RASD1: variants seen among roughly 807,000 people sequenced by gnomAD.
RASD1 encodes dexamethasone-induced Ras-related protein 1.
A neutral mutation model predicts 16.7 loss-of-function variants in RASD1; 13 were observed. That is an observed-to-expected ratio of 0.78 (90% confidence interval 0.51 to 1.24). The LOEUF (loss-of-function observed/expected upper bound fraction) is 1.24, where lower values mean the gene tolerates loss of function less well. Ranked by LOEUF, RASD1 falls within the 50% of genes most tolerant of loss-of-function variation. The probability of loss-of-function intolerance (pLI) is 0.00; values close to 1 mark genes in which losing one functional copy is unlikely to be tolerated. For missense variants in RASD1, 397 were observed against 407.5 expected (o/e 0.97, Z 0.22); for synonymous variants, 170 against 172.6 (o/e 0.98, Z 0.12).
chr17:17,495,739 A>G, intron 1 of RASD1, 55 bp from the exon 2 acceptor site: 4 of 1,516,070 alleles, frequency 2.6e-6, no homozygotes, highest in East Asian at 4.7e-5. Context: ...CGCCCAGGGG[A>G]CAAGTCGGGC....
At position 17,495,221 on chromosome 17, in the gene RASD1, C is replaced by T. The variant is rs1050063525; in HGVS notation, c.750G>A (p.Ala250=). The change falls in exon 2 of 2, where the codon GCG becomes GCA. Residue 250 remains alanine (A), a synonymous_variant. Coordinates refer to ENST00000225688, the MANE Select transcript of RASD1 (RefSeq NM_016084.5). ...GDAFGIVAPF[A]RRPSVHSDLM... is the part of the protein sequence containing the mutation. ...GGTCGCTGTGTACGCTGGGCCGGCG[C>T]GCGAAGGGTGCCACGATGCCAAAGG... 1 of 1,609,808 alleles carries T rather than the reference C, an allele frequency of 6.2e-7. No individual in the cohort carries two copies. The highest frequency in any genetic ancestry group is 8.5e-7 in the Non-Finnish European group (1 of 1,179,060).
rs1033160626 is a variant in RASD1 at position 17,496,377 on chromosome 17, G to A, written c.-196C>T. The A allele has an allele frequency of 1.3e-4, 71 of 558,412 alleles. 1 individual carries two copies. The Admixed American group carries it at 2.4e-3, about 19-fold the overall frequency. The allele number at this position is 558,412 out of a possible 1,614,324, so 34.6% of individuals were successfully genotyped here. A position where few individuals can be genotyped will look rare whatever the true frequency, so the allele number is the denominator to read the frequency against. ...TCGGCTGGGGTTCTCCCAGGATCTGGGCACAGGCCGCTTGCTCTGGCTTTG... is the reference window on the plus strand; with the variant it reads ...TCGGCTGGGGTTCTCCCAGGATCTGAGCACAGGCCGCTTGCTCTGGCTTTG... On this transcript the variant is annotated 5_prime_UTR_variant, in exon 1 of 2. Coordinates refer to ENST00000225688, the MANE Select transcript of RASD1 (RefSeq NM_016084.5).
At position 17,496,394 on chromosome 17, in the gene RASD1, C is replaced by T. The variant is rs1905447735; in HGVS notation, c.-213G>A. 5 of 499,236 alleles carry T rather than the reference C, an allele frequency of 1.0e-5. No individual in the cohort carries two copies. The South Asian group carries it at 1.8e-4, about 18-fold the overall frequency. The allele number at this position is 499,236 out of a possible 1,614,324, so 30.9% of individuals were successfully genotyped here. A position where few individuals can be genotyped will look rare whatever the true frequency, so the allele number is the denominator to read the frequency against. The stretch of plus-strand genomic sequence containing the variant: ...AGGATCTGGGCACAGGCCGCTTGCT[C>T]TGGCTTTGGCGCCCGGCCGCCGCCC... On this transcript the variant is annotated 5_prime_UTR_variant, in exon 1 of 2. Transcript: ENST00000225688.
rs1905396018 is a variant in RASD1, at chr17:17,495,486, T to A, written c.485A>T (p.Gln162Leu). The A allele has an allele frequency of 6.2e-7, 1 of 1,610,802 alleles. No homozygotes were observed. Among genetic ancestry groups the A allele is most frequent in the African/African-American group, 1.3e-5 (1 of 74,892 alleles). ...GCGCTGGGGGTCGTCGCCCACCAGC[T>A]GCTCGATCTCGCGCTGGTCCACCTC... ...YREVDQREIE[Q>L]LVGDDPQRCA... Residue 162 changes from glutamine (Q) to leucine (L), a missense_variant, in exon 2 of 2, where the codon CAG becomes CTG. Coordinates refer to ENST00000225688, the MANE Select transcript of RASD1 (RefSeq NM_016084.5).
chr17:17,495,142 G>T lies in RASD1; in HGVS notation c.829C>A (p.Arg277Ser). 6.2e-7 allele frequency: 1 copy of T among 1,611,380 alleles called. No homozygotes were observed. Among genetic ancestry groups the T allele is most frequent in the Non-Finnish European group, 8.5e-7 (1 of 1,179,654 alleles). ...SAGSQAKDKERCVIS is the reference protein window; with the variant it reads ...SAGSQAKDKESCVIS ...CGGGGCTCCTAGCTGATGACGCAGCGCTCCTTGTCCTTGGCCTGGCTGCCG... is the reference window on the plus strand; with the variant it reads ...CGGGGCTCCTAGCTGATGACGCAGCTCTCCTTGTCCTTGGCCTGGCTGCCG... The change falls in exon 2 of 2, where the codon CGC becomes AGC. Residue 277 changes from arginine (R) to serine (S), a missense_variant. Transcript: ENST00000225688.
Position 17,495,216 on chromosome 17 carries a change from C to A in RASD1, c.755G>T (p.Arg252Leu). ...CATGAGGTCGCTGTGTACGCTGGGCCGGCGCGCGAAGGGTGCCACGATGCC... is the reference window on the plus strand; with the variant it reads ...CATGAGGTCGCTGTGTACGCTGGGCAGGCGCGCGAAGGGTGCCACGATGCC... ...AFGIVAPFAR[R>L]PSVHSDLMYI... Residue 252 changes from arginine to leucine, a missense_variant, in exon 2 of 2, where the codon CGG becomes CTG. Physicochemically the swap from Arg to Leu is moderately radical, Grantham distance 102. Transcript: ENST00000225688. The A allele has an allele frequency of 6.2e-7, 1 of 1,610,516 alleles. No homozygotes were observed. The highest frequency in any genetic ancestry group is 8.5e-7 in the Non-Finnish European group (1 of 1,179,286).
Position 17,495,691 on chromosome 17 carries a change from G to C in RASD1, c.287-7C>G. On this transcript the variant is annotated splice_region_variant and splice_polypyrimidine_tract_variant and intron_variant, in intron 1 of 1. Transcript: ENST00000225688. The stretch of plus-strand genomic sequence containing the variant: ...ACCAGGATGAAAACGTCTCCTAGAG[G>C]GGGCACAGAGAGCAGAAAAGGAGAA... 1 of 1,596,320 alleles carries C rather than the reference G, an allele frequency of 6.3e-7. No homozygotes were observed. The highest frequency in any genetic ancestry group is 8.5e-7 in the Non-Finnish European group (1 of 1,170,276).
rs774310241 is a variant in RASD1, at chr17:17,496,113, G to T, written c.69C>A (p.Asn23Lys). The change falls in exon 1 of 2, where the codon AAC becomes AAA. Residue 23 changes from asparagine to lysine, a missense_variant. By Grantham distance (94) the Asn-to-Lys change is moderately conservative (BLOSUM62 0). Coordinates refer to ENST00000225688, the MANE Select transcript of RASD1 (RefSeq NM_016084.5). ...AGCCGAGGATGACCATGCGATAGCAGTTCTTGGCCGGGATACTCAGCTCCG... is the reference window on the plus strand; with the variant it reads ...AGCCGAGGATGACCATGCGATAGCATTTCTTGGCCGGGATACTCAGCTCCG... ...SDSELSIPAK[N>K]CYRMVILGSS... 1 of 1,614,010 alleles carries T rather than the reference G, an allele frequency of 6.2e-7. No homozygotes were observed. The highest frequency in any genetic ancestry group is 1.7e-5 in the Admixed American group (1 of 60,030).
chr17:17,495,865 C>G (rs765357929), intron 1 of RASD1, 31 bp downstream of exon 1: 21 of 1,455,078 alleles, frequency 1.4e-5, no homozygotes, highest in Admixed American at 1.4e-4. Context: ...CCCCGCCCTT[C>G]CCTCCCGCAC....
rs369799239 is a variant in RASD1 at position 17,495,102 on chromosome 17, G to A, written c.*23C>T. 122 of 1,609,408 alleles carry A rather than the reference G, an allele frequency of 7.6e-5. No homozygotes were observed. The highest frequency in any genetic ancestry group is 1.0e-4 in the Non-Finnish European group (118 of 1,179,206). On this transcript the variant is annotated 3_prime_UTR_variant, in exon 2 of 2. Transcript: ENST00000225688. ...TTAACAAAAAGGTCCTCCTTAGGTT[G>A]TGTCGCCAGCGCGGCGGGGCTCCTA... is the stretch of plus-strand genomic sequence containing the variant.
In RASD1 at chr17:17,496,100, C is replaced by T; in HGVS notation, c.82G>A (p.Val28Ile). The change falls in exon 1 of 2, where the codon GTC becomes ATC. Residue 28 changes from valine to isoleucine, a missense_variant. By Grantham distance (29) the Val-to-Ile change is conservative. Coordinates refer to ENST00000225688, the MANE Select transcript of RASD1 (RefSeq NM_016084.5). ...CCCACCTTGGACGAGCCGAGGATGA[C>T]CATGCGATAGCAGTTCTTGGCCGGG... ...SIPAKNCYRM[V>I]ILGSSKVGKT... The T allele has an allele frequency of 6.2e-7, 1 of 1,614,110 alleles. No individual in the cohort carries two copies. Among genetic ancestry groups the T allele is most frequent in the Non-Finnish European group, 8.5e-7 (1 of 1,180,030 alleles).
chr17:17,495,607 G>A lies in RASD1; in HGVS notation c.364C>T (p.Leu122Phe), dbSNP rs1476522108. ...EEVQRLRQQI[L>F]DTKSCLKNKT... is the part of the protein sequence containing the mutation. ...TTCTTGAGGCAAGACTTGGTGTCGAGGATCTGCTGCCTGAGCCGCTGCACC... is the reference window on the plus strand; with the variant it reads ...TTCTTGAGGCAAGACTTGGTGTCGAAGATCTGCTGCCTGAGCCGCTGCACC... The change falls in exon 2 of 2, where the codon CTC becomes TTC. Residue 122 changes from leucine (L) to phenylalanine (F), a missense_variant. Transcript: ENST00000225688. 1.2e-6 allele frequency: 2 copies of A among 1,613,004 alleles called. No homozygotes were observed. The highest frequency in any genetic ancestry group is 8.5e-7 in the Non-Finnish European group (1 of 1,179,960).
chr17:17,495,417 T>A lies in RASD1; in HGVS notation c.554A>T (p.Asp185Val). ...GGCGAAGAGCGCGCGGAACATCTGG[T>A]CCAGGCTGCTGTTCTTCTTGGCCGA... ...EISAKKNSSLDQMFRALFAMA... is the reference protein window; with the variant it reads ...EISAKKNSSLVQMFRALFAMA... The change falls in exon 2 of 2, where the codon GAC becomes GTC. Residue 185 changes from aspartate to valine, a missense_variant. Transcript: ENST00000225688. 6.2e-7 allele frequency: 1 copy of A among 1,606,354 alleles called. No individual in the cohort carries two copies.
At chr17:17,495,790 G>A in intron 1 of RASD1, 106 bp from the exon 2 acceptor site, 1 of 1,460,302 alleles carries the variant, frequency 6.8e-7, no homozygotes. Flanking sequence ...CTCTCTAAGC[G>A]CGAAGCGCAC....
chr17:17,495,419 C>T lies in RASD1; in HGVS notation c.552G>A (p.Leu184=). 1 of 1,606,440 alleles carries T rather than the reference C, an allele frequency of 6.2e-7. No homozygotes were observed. Among genetic ancestry groups the T allele is most frequent in the Non-Finnish European group, 8.5e-7 (1 of 1,176,988 alleles). ...CGAAGAGCGCGCGGAACATCTGGTC[C>T]AGGCTGCTGTTCTTCTTGGCCGAGA... ...FEISAKKNSS[L]DQMFRALFAM... Residue 184 remains leucine, a synonymous_variant, in exon 2 of 2, where the codon CTG becomes CTA. Transcript: ENST00000225688.
chr17:17,496,370 G>A lies in RASD1; in HGVS notation c.-189C>T, dbSNP rs1419441385. ...GCTGGGCTCGGCTGGGGTTCTCCCA[G>A]GATCTGGGCACAGGCCGCTTGCTCT... On this transcript the variant is annotated 5_prime_UTR_variant, in exon 1 of 2. Transcript: ENST00000225688. The A allele has an allele frequency of 8.2e-6, 5 of 608,892 alleles. No individual in the cohort carries two copies. The highest frequency in any genetic ancestry group is 4.0e-5 in the African/African-American group (2 of 50,388). 37.7% of individuals were successfully genotyped at this position (608,892 alleles called of 1,614,324 possible).
chr17:17,496,095 G>T lies in RASD1; in HGVS notation c.87C>A (p.Ile29=), dbSNP rs1186725170. 6.2e-7 allele frequency: 1 copy of T among 1,614,130 alleles called. No individual in the cohort carries two copies. The highest frequency in any genetic ancestry group is 2.2e-5 in the East Asian group (1 of 44,880). ...TCTTGCCCACCTTGGACGAGCCGAG[G>T]ATGACCATGCGATAGCAGTTCTTGG... ...IPAKNCYRMV[I]LGSSKVGKTA... Residue 29 remains isoleucine, a synonymous_variant, in exon 1 of 2, where the codon ATC becomes ATA. Coordinates refer to ENST00000225688, the MANE Select transcript of RASD1 (RefSeq NM_016084.5).
Position 17,496,313 on chromosome 17 carries a change from CT to C in RASD1, c.-133del. On this transcript the variant is annotated 5_prime_UTR_variant, in exon 1 of 2. Coordinates refer to ENST00000225688, the MANE Select transcript of RASD1 (RefSeq NM_016084.5). Reference sequence around the variant, plus strand: ...GGCTGGGCGCGGCTCGGGCTTGGGGCTCCGGCTCCGCTCGGGCTGGGCTCGG... The same window carrying C: ...GGCTGGGCGCGGCTCGGGCTTGGGGCCCGGCTCCGCTCGGGCTGGGCTCGG... 1 of 986,790 alleles carries C rather than the reference CT, an allele frequency of 1.0e-6. No homozygotes were observed. The highest frequency in any genetic ancestry group is 1.4e-6 in the Non-Finnish European group (1 of 702,380). The allele number at this position is 986,790 out of a possible 1,614,324, so 61.1% of individuals were successfully genotyped here.
chr17:17,495,899 T>C lies in RASD1; in HGVS notation c.283A>G (p.Thr95Ala). 1 of 1,513,986 alleles carries C rather than the reference T, an allele frequency of 6.6e-7. No individual in the cohort carries two copies. Among genetic ancestry groups the C allele is most frequent in the Non-Finnish European group, 8.9e-7 (1 of 1,120,358 alleles). 93.8% of individuals were successfully genotyped at this position (1,513,986 alleles called of 1,614,324 possible). A position where few individuals can be genotyped will look rare whatever the true frequency, so the allele number is the denominator to read the frequency against. ...FPAMRRLSILTGDVFILVFSL... is the reference protein window; with the variant it reads ...FPAMRRLSILAGDVFILVFSL... ...ACCTGCCCGGCCCCCGGCTCACCTGTGAGGATGGAGAGGCGCCGCATGGCG... is the reference window on the plus strand; with the variant it reads ...ACCTGCCCGGCCCCCGGCTCACCTGCGAGGATGGAGAGGCGCCGCATGGCG... The change falls in exon 1 of 2, where the codon ACA (threonine) becomes GCA (alanine). Residue 95 changes from threonine (T) to alanine (A), a missense_variant. Physicochemically the swap from Thr to Ala is moderately conservative, Grantham distance 58 (BLOSUM62 0). Transcript: ENST00000225688.
Sources: allele counts gnomAD v4.1 joint callset, GRCh38; gene constraint gnomAD v4.1.1; transcripts MANE v1.5; gene names NCBI Gene and HGNC (gene_info 2026-07-23, HGNC 2026-07-21).